Variants in CACNA1D observed in about 807,000 individuals in gnomAD.
CACNA1D encodes the protein calcium voltage-gated channel subunit alpha1 D.
A neutral mutation model predicts 257.1 loss-of-function variants in CACNA1D; 55 were observed. That is an observed-to-expected ratio of 0.21 (90% CI 0.17 to 0.27). The LOEUF is 0.27. CACNA1D is among the 10% of genes least tolerant of loss of function. The pLI, the probability that CACNA1D is intolerant of heterozygous loss-of-function variation, is 1.00. For missense variants in CACNA1D, 1,876 were observed against 2,784.0 expected, an observed-to-expected ratio of 0.67 and a Z score of 7.34; for synonymous variants, 980 against 1,014.9, an observed-to-expected ratio of 0.97 and a Z score of 0.65.
chr3:53,575,784 G>A (rs2093027558), intron 3 of CACNA1D, among the ~76,000 whole-genome samples: 1 of 152,128 alleles, frequency 6.6e-6, no homozygotes, highest in Non-Finnish European at 1.5e-5. Flanking sequence ...TCTCTTTATC[G>A]GAAAAGGTAT....
chr3:53,703,880 G>C (rs1387831418), intron 9 of CACNA1D, among the ~76,000 whole-genome samples: 2 of 152,152 alleles, frequency 1.3e-5, no homozygotes, highest in African/African-American at 4.8e-5. Flanking sequence ...GAGCTGCAGG[G>C]CACACATAGA....
At chr3:53,730,389 C>G (rs2094978269) in intron 15 of CACNA1D, 53 bp from the exon 16 acceptor site, 1 of 1,209,356 alleles carries the variant, frequency 8.3e-7, no homozygotes. Flanking sequence ...CCATTGTTGG[C>G]CGCACGTAGT....
chr3:53,612,878 T>C (rs908348241), intron 3 of CACNA1D, among the ~76,000 whole-genome samples: 9 of 152,352 alleles, frequency 5.9e-5, no homozygotes, highest in Middle Eastern at 6.8e-3. Context: ...ATATTTGTTT[T>C]ATATTTTTCC....
chr3:53,524,925 A>T (rs1259887694), intron 3 of CACNA1D, among the ~76,000 whole-genome samples: 7 of 152,182 alleles, frequency 4.6e-5, no homozygotes. Flanking sequence ...GGGGCAGGCC[A>T]CTAGGGTGCT....
At position 53,495,836 on chromosome 3, in the gene CACNA1D, G is replaced by T. The variant is rs1366838227; in HGVS notation, c.67+603G>T. On this transcript the variant is annotated intron_variant, in intron 1 of 47. Transcript: ENST00000350061. The surrounding 1 kb of genome is among the most constrained non-coding windows in gnomAD (Gnocchi z 5.1). ...ACACGTCGGTAACCTAGCAATGCCC[G>T]GGGAGCCGCTGCCGCTGTGGGGCTC... Among the ~76,000 whole-genome samples, 1 of 152,128 alleles carries T rather than the reference G, an allele frequency of 6.6e-6. No individual in the cohort carries two copies. The highest frequency in any genetic ancestry group is 1.5e-5 in the Non-Finnish European group (1 of 68,010).
chr3:53,618,807 G>A (rs1408743486), intron 3 of CACNA1D, among the ~76,000 whole-genome samples: 10 of 152,166 alleles, frequency 6.6e-5, no homozygotes, highest in Non-Finnish European at 1.3e-4. Flanking sequence ...AGTAGTTGAC[G>A]GGCTGGCTTT....
At chr3:53,622,103 A>G (rs936747653) in intron 3 of CACNA1D, among the ~76,000 whole-genome samples, 12 of 151,582 alleles carry the variant, frequency 7.9e-5, no homozygotes, top group Non-Finnish European at 1.6e-4. Context: ...GCTGGAGTGC[A>G]GTGACACGAT....
At chr3:53,702,068 C>T (rs577671829) in intron 8 of CACNA1D, among the ~76,000 whole-genome samples, 2 of 152,332 alleles carry the variant, frequency 1.3e-5, no homozygotes, top group South Asian at 2.1e-4. Flanking sequence ...ACTCCATGCA[C>T]TGCTCTGGCC....
chr3:53,761,828 C>T (rs1002946481), intron 29 of CACNA1D, among the ~76,000 whole-genome samples, 170 bp from the exon 30 acceptor site: 1 of 152,134 alleles, frequency 6.6e-6, no homozygotes, highest in Non-Finnish European at 1.5e-5. Flanking sequence ...GCACAACCAC[C>T]CTGCTGTGCC....
chr3:53,779,342 G>A (rs1179172665), intron 37 of CACNA1D, among the ~76,000 whole-genome samples: 1 of 152,192 alleles, frequency 6.6e-6, no homozygotes, highest in Non-Finnish European at 1.5e-5. Flanking sequence ...GTGGTAGGTT[G>A]TATTAATCAG....
chr3:53,776,949 C>T lies in CACNA1D; in HGVS notation c.4580C>T (p.Ala1527Val). 3.7e-6 allele frequency: 6 copies of T among 1,612,120 alleles called. No homozygotes were observed. Among genetic ancestry groups the T allele is most frequent in the South Asian group, 1.1e-5 (1 of 91,030 alleles). The change falls in exon 37 of 48, where the codon GCG becomes GTG. Residue 1527 changes from alanine to valine, a missense_variant. By Grantham distance (64) the Ala-to-Val change is moderately conservative. Coordinates refer to ENST00000350061, the MANE Select transcript of CACNA1D (RefSeq NM_001128840.3). ...GFGKLCPHRV[A>V]CKRLVAMNMP... is the part of the protein sequence containing the mutation. ...GGGAAGTTATGTCCACACAGGGTAG[C>T]GTGCAAGGTGAGTGTCCTGTGTGCG...
At chr3:53,555,458 G>GTTTT (rs2092623545) in intron 3 of CACNA1D, among the ~76,000 whole-genome samples, 5 of 109,226 alleles carry the variant, frequency 4.6e-5, no homozygotes, top group African/African-American at 2.0e-4. Flanking sequence ...GTGTGTGTGT[G>GTTTT]TGTTTTTTTT....
At chr3:53,527,575 C>T (rs938405533) in intron 3 of CACNA1D, among the ~76,000 whole-genome samples, 1 of 152,122 alleles carries the variant, frequency 6.6e-6, no homozygotes, top group Non-Finnish European at 1.5e-5. Flanking sequence ...AGGTTTAAGT[C>T]GTTGATCTTG....
chr3:53,787,681 G>T (rs1279211474), intron 40 of CACNA1D, among the ~76,000 whole-genome samples: 2 of 152,092 alleles, frequency 1.3e-5, no homozygotes, highest in Non-Finnish European at 1.5e-5. Flanking sequence ...AAAGCCCAAA[G>T]CTCTGGGATG....
intron 8 of CACNA1D, among the ~76,000 whole-genome samples, chr3:53,691,683 AT>A (rs2094520981): frequency 8.0e-6 from 1 of 125,528 alleles, no homozygotes; most frequent in East Asian, 2.1e-4. Context: ...TGTAATATAT[AT>A]ATTGCAGATA....
At chr3:53,583,275 A>G (rs2093161597) in intron 3 of CACNA1D, among the ~76,000 whole-genome samples, 1 of 151,584 alleles carries the variant, frequency 6.6e-6, no homozygotes. Context: ...GGCTGACTTT[A>G]TGTGGAGGAG....
chr3:53,743,030 T>A lies in CACNA1D; in HGVS notation c.2831T>A (p.Phe944Tyr). 1 of 1,612,730 alleles carries A rather than the reference T, an allele frequency of 6.2e-7. No homozygotes were observed. Among genetic ancestry groups the A allele is most frequent in the Non-Finnish European group, 8.5e-7 (1 of 1,178,686 alleles). ...TTCTAGATGACAACTTTTGGAGCTT[T>A]CCTCCACAAAGGGGCCTTCTGCAGG... Reference protein sequence around the residue: ...ILLKMTTFGAFLHKGAFCRNY... With the variant: ...ILLKMTTFGAYLHKGAFCRNY... The change falls in exon 22 of 48, where the codon TTC becomes TAC. Residue 944 changes from phenylalanine (F) to tyrosine (Y), a missense_variant. By Grantham distance (22) the Phe-to-Tyr change is conservative. Coordinates refer to ENST00000350061, the MANE Select transcript of CACNA1D (RefSeq NM_001128840.3).
intron 3 of CACNA1D, among the ~76,000 whole-genome samples, chr3:53,582,969 G>A (rs1047646140): frequency 3.9e-5 from 6 of 152,004 alleles, no homozygotes; most frequent in African/African-American, 1.5e-4. Flanking sequence ...GTCGGCATGT[G>A]GATTAATTTT....
intron 8 of CACNA1D, among the ~76,000 whole-genome samples, chr3:53,685,272 CA>C (rs1186983511): frequency 6.6e-6 from 1 of 152,064 alleles, no homozygotes; most frequent in Non-Finnish European, 1.5e-5. Flanking sequence ...TGAGAAGACA[CA>C]ATGATCCTAA....
Sources: gnomAD v4.1 joint callset for allele counts (sites outside exome capture counted in the v4.1 genomes callset) on GRCh38, gnomAD v4.1.1 for gene constraint, Gnocchi (gnomAD v3.1) non-coding constraint, MANE v1.5 for transcripts, NCBI Gene and HGNC (gene_info 2026-07-23, HGNC 2026-07-21) for gene names.